UBE3A: variants seen among roughly 807,000 people sequenced by gnomAD.
UBE3A encodes ubiquitin protein ligase E3A, also known as ubiquitin-protein ligase E3A.
A neutral mutation model predicts 83.4 loss-of-function variants in UBE3A; 6 were observed. The observed-to-expected ratio is 0.07, with a 90% CI of 0.04 to 0.14. The LOEUF (loss-of-function observed/expected upper bound fraction) is 0.14, where lower values mean the gene tolerates loss of function less well. Ranked by LOEUF, UBE3A falls within the 10% of genes least tolerant of loss-of-function variation. The pLI is 1.00. For synonymous variants in UBE3A, 337 were observed against 355.4 expected, an observed-to-expected ratio of 0.95 and a Z score of 0.58; for missense variants, 456 against 1,036.1, an observed-to-expected ratio of 0.44 and a Z score of 7.69.
rs937885784 is a variant in UBE3A, at chr15:25,412,937, G to T, written c.-164-966C>A. On this transcript the variant is annotated intron_variant, in intron 1 of 12. Transcript: ENST00000648336. The stretch of plus-strand genomic sequence containing the variant: ...TTCAGTGCATGAAGTAGGGGTAAAT[G>T]AATTTTTTTTTTAATTTTTTTCAGA... The T allele has an allele frequency of 9.7e-6, 4 of 413,306 alleles. No individual in the cohort carries two copies. In the East Asian group the frequency reaches 3.1e-4, roughly 32 times the overall value. The allele number at this position is 413,306 out of a possible 1,614,324, so 25.6% of individuals were successfully genotyped here.
At chr15:25,365,725 G>GT (rs1566934485) in intron 6 of UBE3A, among the ~76,000 whole-genome samples, 1 of 147,482 alleles carries the variant, frequency 6.8e-6, no homozygotes, top group African/African-American at 2.5e-5. Context: ...TCCAGCCTGG[G>GT]TGACAGAGCA....
In UBE3A at chr15:25,345,965, CA is replaced by C. The variant is rs1014022078; in HGVS notation, c.2355-5738del. The C allele has an allele frequency of 2.6e-5, 4 of 152,176 alleles. No individual in the cohort carries two copies. The East Asian group carries it at 5.8e-4, about 22-fold the overall frequency. The allele number at this position is 152,176 out of a possible 1,614,324, so 9.4% of individuals were successfully genotyped here. On this transcript the variant is annotated intron_variant, in intron 11 of 12. Transcript: ENST00000648336. Reference sequence around the variant, plus strand: ...GAAGGCAGAAGAAAAATCTTAAAATCAAAAAGAAACAAACCCATGCTTGAGA... The same window carrying C: ...GAAGGCAGAAGAAAAATCTTAAAATCAAAAGAAACAAACCCATGCTTGAGA...
intron 1 of UBE3A, among the ~76,000 whole-genome samples, chr15:25,434,016 AGCACCACT>A (rs1347932461): frequency 2.0e-5 from 3 of 152,206 alleles, no homozygotes; most frequent in Non-Finnish European, 4.4e-5. Flanking sequence ...GAGTTATGAC[AGCACCACT>A]GCACTCCAAC....
chr15:25,403,262 A>C (rs2087619929), intron 4 of UBE3A, among the ~76,000 whole-genome samples: 1 of 152,178 alleles, frequency 6.6e-6, no homozygotes, highest in Non-Finnish European at 1.5e-5. Context: ...CTTCTGATCC[A>C]CTTCTTCACC....
intron 4 of UBE3A, among the ~76,000 whole-genome samples, chr15:25,381,046 A>T (rs2082087841): frequency 6.6e-6 from 1 of 152,234 alleles, no homozygotes; most frequent in South Asian, 2.1e-4. Context: ...GGTTTCACCT[A>T]GAGGGATGTG....
intron 4 of UBE3A, among the ~76,000 whole-genome samples, chr15:25,377,658 T>C (rs893547932): frequency 6.6e-6 from 1 of 152,140 alleles, no homozygotes; most frequent in East Asian, 1.9e-4. Flanking sequence ...AGGAAAACAG[T>C]GAACATGTAT....
At chr15:25,340,032 G>A (rs539822777) in intron 12 of UBE3A, 53 bp downstream of exon 12, 217 of 1,608,456 alleles carry the variant, frequency 1.3e-4, no homozygotes, top group Admixed American at 1.7e-4. Context: ...TGTATGTGAC[G>A]AGGAATGCAA....
Position 25,337,897 on chromosome 15 carries a change from C to CTT in UBE3A, c.*1238_*1239dup, listed in dbSNP as rs1566808896. The CTT allele has an allele frequency of 6.6e-6, 1 of 152,116 alleles. No individual in the cohort carries two copies. The highest frequency in any genetic ancestry group is 2.4e-5 in the African/African-American group (1 of 41,432). 9.4% of individuals were successfully genotyped at this position (152,116 alleles called of 1,614,324 possible). A position where few individuals can be genotyped will look rare whatever the true frequency, so the allele number is the denominator to read the frequency against. On this transcript the variant is annotated 3_prime_UTR_variant, in exon 13 of 13. Coordinates refer to ENST00000648336, the MANE Select transcript of UBE3A (RefSeq NM_130839.5). ...AATCAGTAATGTAAACCTACTTGTACTTTTCCATAGTACATGAAAGTAACG... is the reference window on the plus strand; with the variant it reads ...AATCAGTAATGTAAACCTACTTGTACTTTTTTCCATAGTACATGAAAGTAACG...
At chr15:25,416,995 C>G (rs1202876535) in intron 1 of UBE3A, among the ~76,000 whole-genome samples, 1 of 152,084 alleles carries the variant, frequency 6.6e-6, no homozygotes, top group African/African-American at 2.4e-5. Context: ...AAGTGCCAGA[C>G]AAGTGCTTGT....
rs2073846575 is a variant in UBE3A, at chr15:25,334,047, T to TA, written c.*5089_*5090insT. 6.6e-6 allele frequency: 1 copy of TA among 152,138 alleles called. No individual in the cohort carries two copies. The highest frequency in any genetic ancestry group is 1.5e-5 in the Non-Finnish European group (1 of 68,024). 9.4% of individuals were successfully genotyped at this position (152,138 alleles called of 1,614,324 possible). A position where few individuals can be genotyped will look rare whatever the true frequency, so the allele number is the denominator to read the frequency against. On this transcript the variant is annotated 3_prime_UTR_variant, in exon 13 of 13. Coordinates refer to ENST00000648336, the MANE Select transcript of UBE3A (RefSeq NM_130839.5). ...TAAAATCAGGAACAAGAAAAAGATG[T>TA]CTGCTCTTGTCACTTCTATCCAATA...
chr15:25,420,854 ACC>A (rs1281180340), intron 1 of UBE3A: 1 of 152,230 alleles, frequency 6.6e-6, no homozygotes, highest in Admixed American at 6.5e-5. Flanking sequence ...ATACTTATAT[ACC>A]AATGTTCATA....
At chr15:25,414,105 C>G (rs1354575016) in intron 1 of UBE3A, among the ~76,000 whole-genome samples, 1 of 152,162 alleles carries the variant, frequency 6.6e-6, no homozygotes, top group Non-Finnish European at 1.5e-5. Flanking sequence ...ACCAACGGTA[C>G]ACATCCATTT....
chr15:25,383,312 A>C (rs1322938891), intron 4 of UBE3A, among the ~76,000 whole-genome samples: 15 of 152,190 alleles, frequency 9.9e-5, no homozygotes, highest in Admixed American at 9.2e-4. Context: ...GACTCAGAAG[A>C]AGCATTTGAC....
At chr15:25,408,614 G>A in intron 3 of UBE3A, 1 of 1,613,752 alleles carries the variant, frequency 6.2e-7, no homozygotes, top group Non-Finnish European at 8.5e-7. Context: ...TCAAATGGTG[G>A]CTCACTTCCA....
At chr15:25,376,441 G>C (rs921169318) in intron 4 of UBE3A, among the ~76,000 whole-genome samples, 4 of 152,036 alleles carry the variant, frequency 2.6e-5, no homozygotes, top group Admixed American at 1.3e-4. Flanking sequence ...GAGCCCAGGA[G>C]GTCAACACCA....
In UBE3A at chr15:25,360,786, A is replaced by G. The variant is rs533978716; in HGVS notation, c.1609-259T>C. Among the ~76,000 whole-genome samples, 7 of 151,742 alleles carry G rather than the reference A, an allele frequency of 4.6e-5. No individual in the cohort carries two copies. The East Asian group carries it at 1.2e-3, about 25-fold the overall frequency. On this transcript the variant is annotated intron_variant, in intron 6 of 12. Transcript: ENST00000648336. Reference sequence around the variant, plus strand: ...TGATTTGTTATGAAATTAACATACAATTAATTAAGATTTTATTACTTGTGT... The same window carrying G: ...TGATTTGTTATGAAATTAACATACAGTTAATTAAGATTTTATTACTTGTGT...
At chr15:25,430,133 ATATAT>A (rs1276798436) in intron 1 of UBE3A, among the ~76,000 whole-genome samples, 10 of 65,822 alleles carry the variant, frequency 1.5e-4, no homozygotes, top group African/African-American at 8.5e-4. Flanking sequence ...AAGATTATAT[ATATAT>A]TATATATATA....
chr15:25,367,472 A>G (rs969789107), intron 6 of UBE3A, among the ~76,000 whole-genome samples: 14 of 152,046 alleles, frequency 9.2e-5, no homozygotes, highest in Non-Finnish European at 1.9e-4. Flanking sequence ...AATACTGAAA[A>G]TAAGTCCTAG....
At chr15:25,401,931 T>C (rs2087225536) in intron 4 of UBE3A, among the ~76,000 whole-genome samples, 1 of 152,228 alleles carries the variant, frequency 6.6e-6, no homozygotes, top group African/African-American at 2.4e-5. Flanking sequence ...CTCATTTTGA[T>C]TGCTGTTTTC....
Sources: gnomAD v4.1 joint callset for allele counts (sites outside exome capture counted in the v4.1 genomes callset) on GRCh38, gnomAD v4.1.1 for gene constraint, MANE v1.5 for transcripts, NCBI Gene and HGNC (gene_info 2026-07-23, HGNC 2026-07-21) for gene names.